Variants in HSPBP1 observed in about 807,000 individuals in gnomAD.
HSPBP1 encodes hsp70-binding protein 1.
Under a neutral mutation model 41.7 loss-of-function variants are expected in HSPBP1, and 31 were observed. That is an observed-to-expected ratio of 0.74 (90% CI 0.56 to 1.00). HSPBP1 has a LOEUF of 1.00. Among genes scored for constraint, HSPBP1 ranks in the 50% least tolerant of loss-of-function variants. The pLI is 0.00. For synonymous variants in HSPBP1, 199 were observed against 214.4 expected, an observed-to-expected ratio of 0.93 and a Z score of 0.63; for missense variants, 439 against 487.9, an observed-to-expected ratio of 0.90 and a Z score of 0.94.
At position 55,272,907 on chromosome 19, in the gene HSPBP1, C is replaced by A. The variant is rs2087962891; in HGVS notation, c.640+1491G>T. 1.3e-5 allele frequency among the ~76,000 whole-genome samples: 2 copies of A among 152,030 alleles called. No individual in the cohort carries two copies. The highest frequency in any genetic ancestry group is 1.3e-4 in the Admixed American group (2 of 15,256). ...AGATAGTGACTGCCGATAGCCATAC[C>A]ACCCCGAACGCGTCTGATCACATCT... On this transcript the variant is annotated intron_variant, in intron 4 of 7. Coordinates refer to ENST00000433386, the MANE Select transcript of HSPBP1 (RefSeq NM_012267.5). The surrounding 1 kb of genome is among the most constrained non-coding windows in gnomAD (Gnocchi z 4.2).
chr19:55,274,155 T>G (rs1202379894), intron 4 of HSPBP1, among the ~76,000 whole-genome samples: 1 of 151,844 alleles, frequency 6.6e-6, no homozygotes, highest in Non-Finnish European at 1.5e-5. Context: ...TGCAAAGCGC[T>G]CACGCTGAGG....
rs2087667085 is a variant in HSPBP1, at chr19:55,262,353, G to A, written c.*255C>T. 1 of 1,313,264 alleles carries A rather than the reference G, an allele frequency of 7.6e-7. No individual in the cohort carries two copies. Among genetic ancestry groups the A allele is most frequent in the Admixed American group, 3.3e-5 (1 of 30,454 alleles). The allele number at this position is 1,313,264 out of a possible 1,614,324, so 81.4% of individuals were successfully genotyped here. A position where few individuals can be genotyped will look rare whatever the true frequency, so the allele number is the denominator to read the frequency against. On this transcript the variant is annotated 3_prime_UTR_variant, in exon 8 of 8. Coordinates refer to ENST00000433386, the MANE Select transcript of HSPBP1 (RefSeq NM_012267.5). The stretch of plus-strand genomic sequence containing the variant: ...AAAGGCGGCAGTGAAGGAGGAGAAG[G>A]AGGAAGAGAAACACCTTTATTGGAA...
intron 4 of HSPBP1, among the ~76,000 whole-genome samples, chr19:55,269,962 G>A (rs1037546579): frequency 7.9e-5 from 12 of 152,078 alleles, no homozygotes; most frequent in Non-Finnish European, 1.5e-4. Flanking sequence ...GAGGGCGAGC[G>A]AGTCCATCCC....
rs1404268891 is a variant in HSPBP1 at position 55,268,417 on chromosome 19, C to T, written c.641-2131G>A. Reference sequence around the variant, plus strand: ...TACACTCCAGCCTGAGCAAAAAGAGCGAAACTCCATCTCACACACACACAA... The same window carrying T: ...TACACTCCAGCCTGAGCAAAAAGAGTGAAACTCCATCTCACACACACACAA... On this transcript the variant is annotated intron_variant, in intron 4 of 7. Coordinates refer to ENST00000433386, the MANE Select transcript of HSPBP1 (RefSeq NM_012267.5). The surrounding 1 kb of genome is among the most constrained non-coding windows in gnomAD (Gnocchi z 4.5). 2.6e-5 allele frequency among the ~76,000 whole-genome samples: 4 copies of T among 151,848 alleles called. No homozygotes were observed. The highest frequency in any genetic ancestry group is 9.7e-5 in the African/African-American group (4 of 41,340).
rs755395443 is a variant in HSPBP1 at position 55,274,424 on chromosome 19, C to T, written c.614G>A (p.Arg205His). ...LLDRDACDTVRVKALFAISCL... is the reference protein window; with the variant it reads ...LLDRDACDTVHVKALFAISCL... ...GGAGATGGCGAAGAGGGCCTTGACG[C>T]GCACCGTGTCGCAGGCGTCGCGGTC... The change falls in exon 4 of 8, where the codon CGC (arginine) becomes CAC (histidine). Residue 205 changes from arginine to histidine, a missense_variant. Arg to His is a conservative substitution (Grantham distance 29, BLOSUM62 0). Coordinates refer to ENST00000433386, the MANE Select transcript of HSPBP1 (RefSeq NM_012267.5). 1.5e-5 allele frequency: 23 copies of T among 1,568,378 alleles called. No individual in the cohort carries two copies. The highest frequency in any genetic ancestry group is 2.4e-5 in the East Asian group (1 of 41,672).
Position 55,277,709 on chromosome 19 carries a change from G to C in HSPBP1, c.348C>G (p.Asp116Glu), listed in dbSNP as rs2088111600. 2 of 1,604,988 alleles carry C rather than the reference G, an allele frequency of 1.2e-6. No individual in the cohort carries two copies. The highest frequency in any genetic ancestry group is 8.5e-7 in the Non-Finnish European group (1 of 1,176,664). The change falls in exon 3 of 8, where the codon GAC becomes GAG. Residue 116 changes from aspartate (D) to glutamate (E), a missense_variant. Coordinates refer to ENST00000433386, the MANE Select transcript of HSPBP1 (RefSeq NM_012267.5). ...CCAGGGCCCCCTCTCGCTCTTGCTG[G>C]TCGGCCGCCTGCTCGGCCTCCCCAG... The part of the protein sequence containing the change: ...PTAGEAEQAA[D>E]QQEREGALEL...
rs139617036 is a variant in HSPBP1 at position 55,267,186 on chromosome 19, G to A, written c.641-900C>T. On this transcript the variant is annotated intron_variant, in intron 4 of 7. Coordinates refer to ENST00000433386, the MANE Select transcript of HSPBP1 (RefSeq NM_012267.5). ...TCATTTTGAGATGGACTCTCGTTCT[G>A]TTGCCCAGGCTGGAGTGTGCAGTGG... Among the ~76,000 whole-genome samples, 37 of 152,066 alleles carry A rather than the reference G, an allele frequency of 2.4e-4. 2 individuals carry two copies. The East Asian group carries it at 6.2e-3, about 25-fold the overall frequency.
chr19:55,274,342 C>A (rs1026361539), intron 4 of HSPBP1, 56 bp downstream of exon 4: 3 of 643,900 alleles, frequency 4.7e-6, no homozygotes, highest in African/African-American at 2.2e-5. Context: ...GGGGGCCCAC[C>A]CGGCACCCCC....
At chr19:55,265,031 G>A (rs1355576342) in intron 7 of HSPBP1, among the ~76,000 whole-genome samples, 1 of 143,064 alleles carries the variant, frequency 7.0e-6, no homozygotes, top group Non-Finnish European at 1.5e-5. Flanking sequence ...TGGTCCTTCT[G>A]GAGCCGCTGT....
At chr19:55,266,816 G>A (rs1173912535) in intron 4 of HSPBP1, among the ~76,000 whole-genome samples, 1 of 152,096 alleles carries the variant, frequency 6.6e-6, no homozygotes, top group Non-Finnish European at 1.5e-5. Context: ...CTAACTCTAG[G>A]AAATTTTCAT....
At chr19:55,278,140 G>C (rs563903876) in intron 2 of HSPBP1, among the ~76,000 whole-genome samples, 4 of 152,146 alleles carry the variant, frequency 2.6e-5, no homozygotes, top group Non-Finnish European at 5.9e-5. Flanking sequence ...CCAGCTACTC[G>C]GGAGGCTGCA....
intron 3 of HSPBP1, among the ~76,000 whole-genome samples, chr19:55,275,397 A>G (rs905585909): frequency 6.6e-6 from 1 of 152,204 alleles, no homozygotes; most frequent in African/African-American, 2.4e-5. Flanking sequence ...TATATACTCA[A>G]GTTCATGGCA....
chr19:55,262,732 C>A (rs762198336), intron 7 of HSPBP1, 50 bp from the exon 8 acceptor site: 4 of 1,548,592 alleles, frequency 2.6e-6, no homozygotes, highest in Non-Finnish European at 3.5e-6. Context: ...AGAGGCCGGA[C>A]CCTGCCTCCA....
rs1230808096 is a variant in HSPBP1 at position 55,270,787 on chromosome 19, G to T, written c.640+3611C>A. ...ATGCACATCCACACACCACACATACGCACCACACATACACACCTCATATGC... is the reference window on the plus strand; with the variant it reads ...ATGCACATCCACACACCACACATACTCACCACACATACACACCTCATATGC... On this transcript the variant is annotated intron_variant, in intron 4 of 7. Coordinates refer to ENST00000433386, the MANE Select transcript of HSPBP1 (RefSeq NM_012267.5). The surrounding 1 kb of genome is among the most constrained non-coding windows in gnomAD (Gnocchi z 5.4). Among the ~76,000 whole-genome samples, 1 of 144,640 alleles carries T rather than the reference G, an allele frequency of 6.9e-6. No homozygotes were observed. Among genetic ancestry groups the T allele is most frequent in the African/African-American group, 2.6e-5 (1 of 38,514 alleles). 94.9% of individuals were successfully genotyped at this position (144,640 alleles called of 152,430 possible). A position where few individuals can be genotyped will look rare whatever the true frequency, so the allele number is the denominator to read the frequency against.
chr19:55,266,577 T>TATCACCATCACCACCAC (rs1220337882), intron 4 of HSPBP1, among the ~76,000 whole-genome samples: 1 of 88,852 alleles, frequency 1.1e-5, no homozygotes, highest in Non-Finnish European at 2.3e-5. Flanking sequence ...TCACCATCAC[T>TATCACCATCACCACCAC]ATCACCATCA....
chr19:55,277,159 C>T (rs2088095201), intron 3 of HSPBP1, among the ~76,000 whole-genome samples: 1 of 152,184 alleles, frequency 6.6e-6, no homozygotes, highest in African/African-American at 2.4e-5. Flanking sequence ...CTGTTTCCTG[C>T]GCCTGGCCCC....
In HSPBP1 at chr19:55,270,073, A is replaced by G. The variant is rs2087881166; in HGVS notation, c.641-3787T>C. 6.6e-6 allele frequency among the ~76,000 whole-genome samples: 1 copy of G among 152,166 alleles called. No homozygotes were observed. Among genetic ancestry groups the G allele is most frequent in the Non-Finnish European group, 1.5e-5 (1 of 68,038 alleles). On this transcript the variant is annotated intron_variant, in intron 4 of 7. Coordinates refer to ENST00000433386, the MANE Select transcript of HSPBP1 (RefSeq NM_012267.5). The surrounding 1 kb of genome is among the most constrained non-coding windows in gnomAD (Gnocchi z 5.4). The stretch of plus-strand genomic sequence containing the variant: ...CCCAGCACGGAACTCCAGTAATGGT[A>G]CTGGACAGCCACACAATGGCATACC...
intron 3 of HSPBP1, among the ~76,000 whole-genome samples, chr19:55,276,268 T>C (rs1452524686): frequency 6.6e-6 from 1 of 152,140 alleles, no homozygotes; most frequent in Non-Finnish European, 1.5e-5. Flanking sequence ...GATTAGTGGT[T>C]GCCAGGGGAC....
chr19:55,277,737 GT>G lies in HSPBP1; in HGVS notation c.319del (p.Thr107LeufsTer129), dbSNP rs1415292121. 2 of 1,608,516 alleles carry G rather than the reference GT, an allele frequency of 1.2e-6. No homozygotes were observed. Among genetic ancestry groups the G allele is most frequent in the Admixed American group, 1.7e-5 (1 of 59,192 alleles). The part of the protein sequence containing the change: ...LRVLSQPMPP[T>X]AGEAEQAADQ... ...GGCCGCCTGCTCGGCCTCCCCAGCA[GT>G]GGGGGGCATGGGCTGTGACAGCACT... On this transcript the variant is annotated frameshift_variant, in exon 3 of 8. Transcript: ENST00000433386. LOFTEE classifies it high-confidence loss of function.
Sources: allele counts gnomAD v4.1 joint callset (sites outside exome capture counted in the v4.1 genomes callset), GRCh38; gene constraint gnomAD v4.1.1; non-coding constraint Gnocchi (gnomAD v3.1); transcripts MANE v1.5; gene names NCBI Gene and HGNC (gene_info 2026-07-23, HGNC 2026-07-21).